The following ENTREP2 variants were observed in gnomAD, a reference collection of about 807,000 sequenced individuals.
The protein encoded by ENTREP2 is protein ENTREP2.
At chr15:29,197,296 A>G in the ENTREP2 span, among the ~76,000 whole-genome samples, 4 of 152,236 alleles carry the variant, frequency 2.6e-5, no homozygotes, top group Non-Finnish European at 5.9e-5. Context: ...TTAAAAAAGT[A>G]AAGTCCTAGC....
chr15:29,230,932 G>T, the ENTREP2 span, among the ~76,000 whole-genome samples: 1 of 152,124 alleles, frequency 6.6e-6, no homozygotes, highest in Non-Finnish European at 1.5e-5. Context: ...TTTCACTCTG[G>T]CTGCTGGTAG....
At chr15:29,601,595 C>T in the ENTREP2 span, among the ~76,000 whole-genome samples, 1 of 152,152 alleles carries the variant, frequency 6.6e-6, no homozygotes, top group South Asian at 2.1e-4. Flanking sequence ...TTCACATGAT[C>T]AGCTATGTCT....
At chr15:29,129,507 A>C in the ENTREP2 span, among the ~76,000 whole-genome samples, 1 of 151,468 alleles carries the variant, frequency 6.6e-6, no homozygotes, top group South Asian at 2.1e-4. Context: ...TTTAGAGACA[A>C]GGTCTCGCTC....
the ENTREP2 span, among the ~76,000 whole-genome samples, chr15:29,217,906 C>T: frequency 1.1e-4 from 16 of 152,112 alleles, no homozygotes; most frequent in Non-Finnish European, 2.1e-4. Flanking sequence ...GGGCTGAAGG[C>T]TGTTGTTCAG....
chr15:29,530,776 T>C, the ENTREP2 span, among the ~76,000 whole-genome samples: 11 of 152,236 alleles, frequency 7.2e-5, no homozygotes, highest in Non-Finnish European at 1.2e-4. Flanking sequence ...GAATCGTAAG[T>C]GAGAATACGG....
the ENTREP2 span, among the ~76,000 whole-genome samples, chr15:29,516,968 CAAAAAAAAAAA>C: frequency 6.2e-3 from 552 of 88,646 alleles, 20 homozygotes; most frequent in Admixed American, 0.061. Flanking sequence ...AATTATGAGC[CAAAAAAAAAAA>C]AAAAAAAACT....
At chr15:29,646,366 G>T in the ENTREP2 span, among the ~76,000 whole-genome samples, 1 of 152,084 alleles carries the variant, frequency 6.6e-6, no homozygotes, top group Non-Finnish European at 1.5e-5. Flanking sequence ...GTGCTTACTC[G>T]GGATGCCGGC....
the ENTREP2 span, among the ~76,000 whole-genome samples, chr15:29,156,860 C>T: frequency 3.3e-5 from 5 of 152,042 alleles, no homozygotes; most frequent in Admixed American, 1.3e-4. Context: ...GTGGCTCATG[C>T]GAGGCGGGAG....
the ENTREP2 span, among the ~76,000 whole-genome samples, chr15:29,512,993 T>C: frequency 3.3e-5 from 5 of 152,242 alleles, no homozygotes; most frequent in Non-Finnish European, 7.3e-5. Context: ...AAGGATTCTT[T>C]CTTTTCTCTG....
the ENTREP2 span, among the ~76,000 whole-genome samples, chr15:29,159,070 G>C: frequency 6.6e-6 from 1 of 152,172 alleles, no homozygotes; most frequent in Non-Finnish European, 1.5e-5. Flanking sequence ...GGAATTGGTG[G>C]GTTATTGGTC....
the ENTREP2 span, among the ~76,000 whole-genome samples, chr15:29,148,660 G>A: frequency 6.6e-6 from 1 of 151,968 alleles, no homozygotes; most frequent in Non-Finnish European, 1.5e-5. Flanking sequence ...TGGCTCAGTG[G>A]GGGCTGACTG....
the ENTREP2 span, among the ~76,000 whole-genome samples, chr15:29,270,338 C>T: frequency 6.6e-6 from 1 of 152,204 alleles, no homozygotes; most frequent in African/African-American, 2.4e-5. Context: ...AGGCTTTCTG[C>T]GCAAGCAGGA....
chr15:29,544,544 A>T, the ENTREP2 span, among the ~76,000 whole-genome samples: 1 of 128,282 alleles, frequency 7.8e-6, no homozygotes, highest in African/African-American at 5.2e-5. Flanking sequence ...GTTTTCAAAT[A>T]AAAAATTCGG....
At chr15:29,301,852 A>G in the ENTREP2 span, among the ~76,000 whole-genome samples, 1 of 152,240 alleles carries the variant, frequency 6.6e-6, no homozygotes, top group East Asian at 1.9e-4. Flanking sequence ...ATGTGAGGAC[A>G]CAGCGAGGAG....
chr15:29,392,225 G>C, the ENTREP2 span, among the ~76,000 whole-genome samples: 2 of 152,074 alleles, frequency 1.3e-5, no homozygotes. Flanking sequence ...GCCTCCCAAA[G>C]TGCAGGGATT....
At chr15:29,234,213 G>C in the ENTREP2 span, 8 of 1,609,584 alleles carry the variant, frequency 5.0e-6, no homozygotes, top group Non-Finnish European at 6.8e-6. Flanking sequence ...AGGCTCAAAC[G>C]CTTAACTGGT....
the ENTREP2 span, among the ~76,000 whole-genome samples, chr15:29,558,100 C>T: frequency 6.6e-6 from 1 of 152,200 alleles, no homozygotes; most frequent in Non-Finnish European, 1.5e-5. Flanking sequence ...CAACACCCAC[C>T]TGTGCCAGCG....
chr15:29,269,563 G>A, the ENTREP2 span: 2 of 1,526,290 alleles, frequency 1.3e-6, no homozygotes, highest in East Asian at 2.7e-5. Context: ...GGACGTGCTC[G>A]GGGCCTCCTC....
chr15:29,614,554 C>A, the ENTREP2 span, among the ~76,000 whole-genome samples: 3 of 152,168 alleles, frequency 2.0e-5, no homozygotes, highest in African/African-American at 7.2e-5. Flanking sequence ...AGATTTCTGC[C>A]GATCTGGGTA....
Sources: allele counts gnomAD v4.1 joint callset (sites outside exome capture counted in the v4.1 genomes callset), GRCh38; gene constraint gnomAD v4.1.1; transcripts MANE v1.5; gene names NCBI Gene and HGNC (gene_info 2026-07-23, HGNC 2026-07-21).